Variants in ZNF808 observed in about 807,000 individuals in gnomAD.
ZNF808 encodes zinc finger protein 808.
Under a neutral mutation model 8.7 loss-of-function variants are expected in ZNF808, and 5 were observed. The observed-to-expected ratio is 0.58, with a 90% CI of 0.30 to 1.21. The LOEUF is 1.21. Ranked by LOEUF, ZNF808 falls within the 50% of genes most tolerant of loss-of-function variation. ZNF808 has a pLI of 0.07. For missense variants in ZNF808, 1,103 were observed against 1,098.4 expected, an observed-to-expected ratio of 1.00 and a Z score of -0.06; for synonymous variants, 380 against 366.0, an observed-to-expected ratio of 1.04 and a Z score of -0.44.
At chr19:52,529,760 TCA>T (rs2059543416) in intron 1 of ZNF808, among the ~76,000 whole-genome samples, 1 of 152,038 alleles carries the variant, frequency 6.6e-6, no homozygotes, top group South Asian at 2.1e-4. Flanking sequence ...TCTGGCTGTA[TCA>T]CACAGGCTGG....
At chr19:52,557,691 T>C (rs960047733), downstream of ZNF808, among the ~76,000 whole-genome samples, 7 of 152,260 alleles carry the variant, frequency 4.6e-5, no homozygotes, top group African/African-American at 1.4e-4. Flanking sequence ...GTTACTGTGA[T>C]TTTCTTGTAA....
At chr19:52,563,975 A>C (rs900219324) in exon 4 of ZNF808, 2 of 367,564 alleles carry the variant, frequency 5.4e-6, no homozygotes, top group Middle Eastern at 6.5e-4. Flanking sequence ...CAGCCTGGGC[A>C]ACAAGAGCAA....
Position 52,555,602 on chromosome 19 carries a change from A to G in ZNF808, c.2686A>G (p.Ile896Val). 1 of 1,605,946 alleles carries G rather than the reference A, an allele frequency of 6.2e-7. No homozygotes were observed. The highest frequency in any genetic ancestry group is 8.5e-7 in the Non-Finnish European group (1 of 1,176,234). ...GTCAACACTTATTCACCATCAGGCA[A>G]TTCATGGTATAGGGAAATTTGATTA... ...DRSTLIHHQA[I>V]HGIGKFD is the part of the protein sequence containing the mutation. Residue 896 changes from isoleucine to valine, a missense_variant, in exon 5 of 5, where the codon ATT becomes GTT. Coordinates refer to ENST00000359798, the MANE Select transcript of ZNF808 (RefSeq NM_001039886.4).
At chr19:52,548,519 T>G (rs2059745017) in intron 4 of ZNF808, among the ~76,000 whole-genome samples, 2 of 152,180 alleles carry the variant, frequency 1.3e-5, no homozygotes, top group South Asian at 4.2e-4. Context: ...ACCTTTTGGG[T>G]TCAAGTGATT....
chr19:52,555,255 A>G lies in ZNF808; in HGVS notation c.2339A>G (p.Tyr780Cys). 1 of 1,612,458 alleles carries G rather than the reference A, an allele frequency of 6.2e-7. No individual in the cohort carries two copies. Among genetic ancestry groups the G allele is most frequent in the South Asian group, 1.1e-5 (1 of 90,992 alleles). The change falls in exon 5 of 5, where the codon TAC becomes TGC. Residue 780 changes from tyrosine (Y) to cysteine (C), a missense_variant. Coordinates refer to ENST00000359798, the MANE Select transcript of ZNF808 (RefSeq NM_001039886.4). ...NTFRHWSSLV[Y>C]HRRLHTGEKS... is the part of the protein sequence containing the mutation. The stretch of plus-strand genomic sequence containing the variant: ...TTCCGTCACTGGTCATCCCTTGTAT[A>G]CCATCGTAGACTTCATACTGGAGAG...
In ZNF808 at chr19:52,555,047, G is replaced by A; in HGVS notation, c.2131G>A (p.Glu711Lys). Residue 711 changes from glutamate to lysine, a missense_variant, in exon 5 of 5, where the codon GAG becomes AAG. Transcript: ENST00000359798. ...TGGAATGAAACCTTACAAGTGTAAT[G>A]AGTGCAGCAAGACCTTCAGTAACAG... is the stretch of plus-strand genomic sequence containing the variant. ...HSGMKPYKCNECSKTFSNRSS... is the reference protein window; with the variant it reads ...HSGMKPYKCNKCSKTFSNRSS... The A allele has an allele frequency of 5.0e-6, 8 of 1,614,080 alleles. No individual in the cohort carries two copies. The highest frequency in any genetic ancestry group is 6.8e-6 in the Non-Finnish European group (8 of 1,180,010).
At position 52,555,589 on chromosome 19, in the gene ZNF808, TCAC is replaced by T. The variant is rs2059828956; in HGVS notation, c.2676_2678del (p.His893del). 6.2e-7 allele frequency: 1 copy of T among 1,610,662 alleles called. No individual in the cohort carries two copies. The highest frequency in any genetic ancestry group is 1.7e-5 in the Admixed American group (1 of 59,712). ...CCTTTAGTGACCGGTCAACACTTAT[TCAC>T]CATCAGGCAATTCATGGTATAGGGA... On this transcript the variant is annotated inframe_deletion, in exon 5 of 5. Transcript: ENST00000359798.
Position 52,543,256 on chromosome 19 carries a change from T to C in ZNF808, c.-19-10T>C. 2 of 1,610,344 alleles carry C rather than the reference T, an allele frequency of 1.2e-6. No homozygotes were observed. Among genetic ancestry groups the C allele is most frequent in the Admixed American group, 3.4e-5 (2 of 59,162 alleles). ...TTCTAACATGAAGTCTTATTTTTTT[T>C]CACATACAGGATTGATTTCTAAAGA... On this transcript the variant is annotated splice_polypyrimidine_tract_variant and intron_variant, in intron 2 of 4. Transcript: ENST00000359798.
rs112542670 is a variant in ZNF808, at chr19:52,544,864, A to G, written c.63+1517A>G. 2.8e-4 allele frequency among the ~76,000 whole-genome samples: 42 copies of G among 151,710 alleles called. 1 individual carries two copies. Among genetic ancestry groups the G allele is most frequent in the African/African-American group, 9.4e-4 (39 of 41,346 alleles). ...AGTGGCGGCATCTCAGCTCACTACA[A>G]CCTCTGCCTTCTGGCTTCAAGCAAT... On this transcript the variant is annotated intron_variant, in intron 3 of 4. Transcript: ENST00000359798.
chr19:52,553,618 TGA>T lies in ZNF808; in HGVS notation c.706_707del (p.Ser236TrpfsTer5), dbSNP rs2059800532. On this transcript the variant is annotated frameshift_variant, in exon 5 of 5. Transcript: ENST00000359798. LOFTEE classifies it low-confidence loss of function (END_TRUNC). ...TGAGAGAAAAATCTTTCCCATGTAA[TGA>T]GAGTGGCAAAGCCTTTAATTGTAGC... ...HMREKSFPCN[E>X]SGKAFNCSSL... is the part of the protein sequence containing the mutation. 2.5e-6 allele frequency: 4 copies of T among 1,614,208 alleles called. No individual in the cohort carries two copies. Among genetic ancestry groups the T allele is most frequent in the Non-Finnish European group, 3.4e-6 (4 of 1,180,040 alleles).
chr19:52,538,881 T>A (rs1210232964), intron 2 of ZNF808, among the ~76,000 whole-genome samples: 1 of 152,144 alleles, frequency 6.6e-6, no homozygotes, highest in African/African-American at 2.4e-5. Flanking sequence ...AAAATTAGTT[T>A]AAATTATACA....
downstream of ZNF808, among the ~76,000 whole-genome samples, chr19:52,566,352 G>A (rs551428200): frequency 6.6e-6 from 1 of 152,062 alleles, no homozygotes; most frequent in South Asian, 2.1e-4. Flanking sequence ...ATTTAGTAGA[G>A]ACTGGGTTTC....
chr19:52,562,936 G>A (rs934323318), intron 3 of ZNF808, among the ~76,000 whole-genome samples: 1 of 152,040 alleles, frequency 6.6e-6, no homozygotes, highest in Non-Finnish European at 1.5e-5. Flanking sequence ...ACCGTGCCCA[G>A]CTAATTTTTT....
chr19:52,543,165 G>T, intron 2 of ZNF808, 101 bp from the exon 3 acceptor site: 1 of 1,224,178 alleles, frequency 8.2e-7, no homozygotes, highest in South Asian at 1.4e-5. Flanking sequence ...GGCAGTGGGG[G>T]ACTTCTTTCT....
chr19:52,553,287 G>T lies in ZNF808; in HGVS notation c.371G>T (p.Gly124Val). ...CAGTGTCAAGAAGATGAAAGAAATG[G>T]CCATGAAGCACCCACGACAAAAATA... The part of the protein sequence containing the change: ...EFQCQEDERN[G>V]HEAPTTKIKK... Residue 124 changes from glycine (G) to valine (V), a missense_variant, in exon 5 of 5, where the codon GGC becomes GTC. Gly to Val is a moderately radical substitution (Grantham distance 109). Coordinates refer to ENST00000359798, the MANE Select transcript of ZNF808 (RefSeq NM_001039886.4). 3.1e-6 allele frequency: 5 copies of T among 1,613,716 alleles called. No homozygotes were observed. The highest frequency in any genetic ancestry group is 4.2e-6 in the Non-Finnish European group (5 of 1,179,870).
chr19:52,530,980 G>GC (rs1568476618), intron 1 of ZNF808, among the ~76,000 whole-genome samples: 1 of 151,180 alleles, frequency 6.6e-6, no homozygotes, highest in Non-Finnish European at 1.5e-5. Flanking sequence ...CCGTCTCCCC[G>GC]CCCCCCAAAA....
At chr19:52,560,418 A>G (rs1296372054), downstream of ZNF808, among the ~76,000 whole-genome samples, 1 of 152,156 alleles carries the variant, frequency 6.6e-6, no homozygotes, top group Non-Finnish European at 1.5e-5. Context: ...GTTTTCACAG[A>G]CACATCTCTT....
At chr19:52,542,727 T>C (rs2059683592) in intron 2 of ZNF808, among the ~76,000 whole-genome samples, 2 of 152,114 alleles carry the variant, frequency 1.3e-5, no homozygotes, top group Non-Finnish European at 1.5e-5. Context: ...GGGACAACTT[T>C]AAACAAAGGC....
At chr19:52,542,698 T>A (rs927610364) in intron 2 of ZNF808, among the ~76,000 whole-genome samples, 1 of 152,150 alleles carries the variant, frequency 6.6e-6, no homozygotes, top group African/African-American at 2.4e-5. Context: ...AGAAGTACAT[T>A]GGTTTGGTCT....
Sources: allele counts gnomAD v4.1 joint callset (sites outside exome capture counted in the v4.1 genomes callset), GRCh38; gene constraint gnomAD v4.1.1; transcripts MANE v1.5; gene names NCBI Gene and HGNC (gene_info 2026-07-23, HGNC 2026-07-21).